NTNG2: variants seen among roughly 807,000 people sequenced by gnomAD.
The protein encoded by NTNG2 is netrin-G2.
In NTNG2, 15 loss-of-function variants were observed where a neutral mutation model predicts 47.6. The observed-to-expected ratio is 0.32, with a 90% CI of 0.21 to 0.49. The LOEUF (loss-of-function observed/expected upper bound fraction) is 0.49. NTNG2 is among the 20% of genes least tolerant of loss of function. The pLI, the probability that NTNG2 is intolerant of heterozygous loss-of-function variation, is 0.99. For missense variants in NTNG2, 578 were observed against 764.6 expected (o/e 0.76, Z 2.88); for synonymous variants, 307 against 324.6 (o/e 0.95, Z 0.58).
intron 4 of NTNG2, among the ~76,000 whole-genome samples, chr9:132,228,795 T>C (rs1327698902): frequency 6.6e-6 from 1 of 152,128 alleles, no homozygotes; most frequent in Non-Finnish European, 1.5e-5. Context: ...TGAGCTCTAG[T>C]AACCCTCCTG....
chr9:132,202,493 TC>T (rs1174236051), intron 3 of NTNG2, among the ~76,000 whole-genome samples: 1 of 152,142 alleles, frequency 6.6e-6, no homozygotes, highest in Non-Finnish European at 1.5e-5. Flanking sequence ...CGGAGCCTGC[TC>T]CACGTGCCCA....
Position 132,226,898 on chromosome 9 carries a change from C to A in NTNG2, c.907C>A (p.Leu303Met). 6.2e-7 allele frequency: 1 copy of A among 1,612,668 alleles called. No homozygotes were observed. The highest frequency in any genetic ancestry group is 8.5e-7 in the Non-Finnish European group (1 of 1,179,596). Residue 303 changes from leucine to methionine, a missense_variant, in exon 4 of 8, where the codon CTG becomes ATG. Coordinates refer to ENST00000393229, the MANE Select transcript of NTNG2 (RefSeq NM_032536.4). The surrounding 1 kb of genome is among the most constrained non-coding windows in gnomAD (Gnocchi z 4.8). The part of the protein sequence containing the change: ...ANLCSMREGS[L>M]QCECEHNTTG... ...CCTGTGCTCCATGCGCGAGGGCAGC[C>A]TGCAGTGCGAGTGCGAGCACAACAC...
At chr9:132,190,869 C>T (rs1837828501) in intron 2 of NTNG2, among the ~76,000 whole-genome samples, 1 of 152,212 alleles carries the variant, frequency 6.6e-6, no homozygotes, top group Non-Finnish European at 1.5e-5. Context: ...GCTGCCTTCC[C>T]TTCCCTCTGC....
intron 2 of NTNG2, among the ~76,000 whole-genome samples, chr9:132,181,969 T>C (rs955837653): frequency 2.6e-5 from 4 of 152,158 alleles, no homozygotes; most frequent in African/African-American, 9.7e-5. Flanking sequence ...TCTGTGTGTG[T>C]GTGTGCGTGC....
In NTNG2 at chr9:132,165,762, G is replaced by C. The variant is rs139186629; in HGVS notation, c.-483-587G>C. Among the ~76,000 whole-genome samples the C allele has an allele frequency of 1.7e-3, 252 of 152,280 alleles. 2 individuals are homozygous for C. Among genetic ancestry groups the C allele is most frequent in the Admixed American group, 3.5e-3 (53 of 15,298 alleles). On this transcript the variant is annotated intron_variant, in intron 1 of 7. Transcript: ENST00000393229. Reference sequence around the variant, plus strand: ...TTTGAAAGTCTCTGACCCCCAAGCCGGGGCACTTCTGCTGAACTAACACTC... The same window carrying C: ...TTTGAAAGTCTCTGACCCCCAAGCCCGGGCACTTCTGCTGAACTAACACTC...
At chr9:132,190,870 T>G (rs1323158508) in intron 2 of NTNG2, among the ~76,000 whole-genome samples, 1 of 152,184 alleles carries the variant, frequency 6.6e-6, no homozygotes, top group Non-Finnish European at 1.5e-5. Context: ...CTGCCTTCCC[T>G]TCCCTCTGCC....
Position 132,221,719 on chromosome 9 carries a change from G to C in NTNG2, c.858-5130G>C, listed in dbSNP as rs1271785896. Among the ~76,000 whole-genome samples, 1 of 152,196 alleles carries C rather than the reference G, an allele frequency of 6.6e-6. No homozygotes were observed. Among genetic ancestry groups the C allele is most frequent in the Non-Finnish European group, 1.5e-5 (1 of 68,042 alleles). On this transcript the variant is annotated intron_variant, in intron 3 of 7. Coordinates refer to ENST00000393229, the MANE Select transcript of NTNG2 (RefSeq NM_032536.4). The surrounding 1 kb of genome is among the most constrained non-coding windows in gnomAD (Gnocchi z 4.2). ...AGCCTGGGCAGAGCCAGCTGGGGAG[G>C]GACGTCTGGATTTGGGTCAGGAGAA...
At position 132,217,372 on chromosome 9, in the gene NTNG2, T is replaced by C. The variant is rs541536638; in HGVS notation, c.858-9477T>C. 1.6e-4 allele frequency among the ~76,000 whole-genome samples: 25 copies of C among 152,004 alleles called. No homozygotes were observed. The East Asian group carries it at 4.8e-3, about 29-fold the overall frequency. ...GCCTGTGTCTGGGGGAGCTGTGGGG[T>C]GGCTGCAGTTCCAGGAGCCTGAGTC... On this transcript the variant is annotated intron_variant, in intron 3 of 7. Transcript: ENST00000393229.
chr9:132,203,898 G>A (rs1350857357), intron 3 of NTNG2, among the ~76,000 whole-genome samples: 1 of 152,228 alleles, frequency 6.6e-6, no homozygotes, highest in Non-Finnish European at 1.5e-5. Context: ...TCCTTTGCCA[G>A]CAGGAACAGG....
At chr9:132,175,785 G>T (rs991105268) in intron 2 of NTNG2, among the ~76,000 whole-genome samples, 2 of 152,092 alleles carry the variant, frequency 1.3e-5, no homozygotes, top group Non-Finnish European at 2.9e-5. Context: ...TACGCCCCCA[G>T]CCTCAGTTTC....
At chr9:132,187,745 T>C (rs1449248823) in intron 2 of NTNG2, among the ~76,000 whole-genome samples, 1 of 152,152 alleles carries the variant, frequency 6.6e-6, no homozygotes, top group African/African-American at 2.4e-5. Flanking sequence ...TACCAATAAA[T>C]AGGAAGTAAT....
At position 132,231,225 on chromosome 9, in the gene NTNG2, G is replaced by T; in HGVS notation, c.1054+630G>T. The T allele has an allele frequency of 2.3e-6, 1 of 443,720 alleles. No homozygotes were observed. Among genetic ancestry groups the T allele is most frequent in the Non-Finnish European group, 4.5e-6 (1 of 220,770 alleles). The allele number at this position is 443,720 out of a possible 1,614,324, so 27.5% of individuals were successfully genotyped here. A position where few individuals can be genotyped will look rare whatever the true frequency, so the allele number is the denominator to read the frequency against. ...GGCGAGGGCGACATGGCGCCCACAG[G>T]TTATCAGTAAATGTCATCGAGACTG... On this transcript the variant is annotated intron_variant, in intron 5 of 7. Transcript: ENST00000393229. This position sits in a 1 kb window ranked among gnomAD's most constrained non-coding sequence, Gnocchi z 4.1.
chr9:132,234,795 T>C (rs567289892), intron 5 of NTNG2, among the ~76,000 whole-genome samples: 1 of 152,388 alleles, frequency 6.6e-6, no homozygotes, highest in South Asian at 2.1e-4. Context: ...CGGCCTCATC[T>C]TCCCACTGAA....
chr9:132,230,656 CT>C, intron 5 of NTNG2, 61 bp downstream of exon 5: 1 of 1,557,106 alleles, frequency 6.4e-7, no homozygotes, highest in Non-Finnish European at 8.8e-7. Context: ...TTTGCATGTC[CT>C]GGAAAAAGCT....
At chr9:132,217,902 C>T (rs914721739) in intron 3 of NTNG2, among the ~76,000 whole-genome samples, 5 of 152,196 alleles carry the variant, frequency 3.3e-5, no homozygotes. Context: ...GCACACAAAC[C>T]CCAGTGGGCA....
chr9:132,199,452 C>T (rs1838574553), intron 3 of NTNG2, among the ~76,000 whole-genome samples: 1 of 152,190 alleles, frequency 6.6e-6, no homozygotes, highest in African/African-American at 2.4e-5. Flanking sequence ...TCTCATTGTC[C>T]TCTCCCAGTG....
Position 132,209,976 on chromosome 9 carries a change from A to G in NTNG2, c.857+11367A>G, listed in dbSNP as rs558427016. ...AGTGATCGGGGTGGGCGGAGAGCTGACAGGACAGAGGGCCCACCAGCATGT... is the reference window on the plus strand; with the variant it reads ...AGTGATCGGGGTGGGCGGAGAGCTGGCAGGACAGAGGGCCCACCAGCATGT... On this transcript the variant is annotated intron_variant, in intron 3 of 7. Transcript: ENST00000393229. Among the ~76,000 whole-genome samples the G allele has an allele frequency of 2.1e-3, 321 of 152,010 alleles. 3 individuals carry two copies. The highest frequency in any genetic ancestry group is 7.2e-3 in the African/African-American group (297 of 41,472).
chr9:132,195,519 G>A (rs1838236999), intron 2 of NTNG2, among the ~76,000 whole-genome samples: 1 of 143,654 alleles, frequency 7.0e-6, no homozygotes, highest in South Asian at 2.2e-4. Flanking sequence ...AGTAGAGACG[G>A]GGTTTCACTG....
intron 3 of NTNG2, among the ~76,000 whole-genome samples, chr9:132,217,156 G>A (rs1840049189): frequency 6.6e-6 from 1 of 152,374 alleles, no homozygotes; most frequent in East Asian, 1.9e-4. Context: ...AAGTGGGAAG[G>A]ACAGTGCCTT....
Sources: gnomAD v4.1 joint callset for allele counts (sites outside exome capture counted in the v4.1 genomes callset) on GRCh38, gnomAD v4.1.1 for gene constraint, Gnocchi (gnomAD v3.1) non-coding constraint, MANE v1.5 for transcripts, NCBI Gene and HGNC (gene_info 2026-07-23, HGNC 2026-07-21) for gene names.